The following CDH8 variants were observed in gnomAD, a reference collection of about 807,000 sequenced individuals.
CDH8 encodes cadherin-8.
In CDH8, 17 loss-of-function variants were observed where a neutral mutation model predicts 68.1. That is an observed-to-expected ratio of 0.25 (90% confidence interval 0.17 to 0.37). The LOEUF (loss-of-function observed/expected upper bound fraction) is 0.37, where lower values mean the gene tolerates loss of function less well. Ranked by LOEUF, CDH8 falls within the 10% of genes least tolerant of loss-of-function variation. CDH8 has a pLI of 1.00. For synonymous variants in CDH8, 372 were observed against 365.1 expected, an observed-to-expected ratio of 1.02 and a Z score of -0.21; for missense variants, 763 against 999.3, an observed-to-expected ratio of 0.76 and a Z score of 3.19.
At chr16:61,739,907 A>ATATG (rs1555506710) in intron 8 of CDH8, among the ~76,000 whole-genome samples, 21 of 100,838 alleles carry the variant, frequency 2.1e-4, no homozygotes, top group Admixed American at 5.3e-4. Flanking sequence ...ATATATATAT[A>ATATG]TATATGTATT....
intron 2 of CDH8, among the ~76,000 whole-genome samples, chr16:61,958,828 C>T (rs1965029001): frequency 6.6e-6 from 1 of 152,120 alleles, no homozygotes; most frequent in Non-Finnish European, 1.5e-5. Context: ...AGACAATTTC[C>T]TTCTCTACTC....
chr16:61,764,600 T>C (rs1307536343), intron 8 of CDH8, among the ~76,000 whole-genome samples: 1 of 152,100 alleles, frequency 6.6e-6, no homozygotes, highest in Non-Finnish European at 1.5e-5. Flanking sequence ...TCTGTCATCC[T>C]AGTCTCTCAT....
intron 8 of CDH8, among the ~76,000 whole-genome samples, chr16:61,764,376 T>C (rs1261115183): frequency 6.6e-6 from 1 of 152,132 alleles, no homozygotes; most frequent in Non-Finnish European, 1.5e-5. Flanking sequence ...ATCAGAGTTC[T>C]TCAGTACTTG....
intron 8 of CDH8, among the ~76,000 whole-genome samples, chr16:61,763,451 C>A (rs1490926724): frequency 6.6e-6 from 1 of 152,132 alleles, no homozygotes; most frequent in Non-Finnish European, 1.5e-5. Flanking sequence ...TCCCATTGAT[C>A]CTCTCATGTA....
At chr16:61,783,124 C>T (rs868814110) in intron 8 of CDH8, among the ~76,000 whole-genome samples, 562 of 144,364 alleles carry the variant, frequency 3.9e-3, no homozygotes, top group South Asian at 0.017. Flanking sequence ...AGGCTTCAGA[C>T]GATCAAATTA....
chr16:62,002,915 T>A (rs1965915679), intron 2 of CDH8, among the ~76,000 whole-genome samples: 1 of 152,076 alleles, frequency 6.6e-6, no homozygotes, highest in Admixed American at 6.6e-5. Context: ...TAGCTGGGCG[T>A]GGCGGCAGGC....
At chr16:61,655,322 A>C in intron 11 of CDH8, 148 bp downstream of exon 11, 3 of 743,058 alleles carry the variant, frequency 4.0e-6, no homozygotes, top group Non-Finnish European at 6.5e-6. Flanking sequence ...TTCACTTATT[A>C]GAGATCTCAA....
intron 7 of CDH8, among the ~76,000 whole-genome samples, chr16:61,809,835 G>A (rs1961895558): frequency 6.6e-6 from 1 of 152,044 alleles, no homozygotes; most frequent in South Asian, 2.1e-4. Context: ...CCCCTTAGAG[G>A]GTGCAATGCA....
chr16:61,765,314 T>C (rs1206125404), intron 8 of CDH8, among the ~76,000 whole-genome samples: 1 of 152,056 alleles, frequency 6.6e-6, no homozygotes, highest in Non-Finnish European at 1.5e-5. Context: ...CTTCAAATAC[T>C]TTAGGCTGAC....
At chr16:61,791,452 T>C (rs1311398332) in intron 7 of CDH8, among the ~76,000 whole-genome samples, 2 of 152,106 alleles carry the variant, frequency 1.3e-5, no homozygotes, top group South Asian at 4.1e-4. Context: ...AGATATCATG[T>C]GTACTCTGAC....
intron 3 of CDH8, among the ~76,000 whole-genome samples, chr16:61,881,999 A>T (rs911738615): frequency 2.0e-5 from 3 of 152,198 alleles, no homozygotes; most frequent in Admixed American, 6.5e-5. Flanking sequence ...TTAAAGCACT[A>T]TCGAGTTATC....
intron 10 of CDH8, among the ~76,000 whole-genome samples, chr16:61,695,100 T>C (rs755409475): frequency 1.1e-4 from 17 of 152,094 alleles, no homozygotes; most frequent in Non-Finnish European, 2.4e-4. Flanking sequence ...CTTTTTTTTT[T>C]AGTGGAATAC....
At chr16:61,695,778 T>G (rs1212918841) in intron 10 of CDH8, among the ~76,000 whole-genome samples, 4 of 152,200 alleles carry the variant, frequency 2.6e-5, no homozygotes, top group South Asian at 4.1e-4. Flanking sequence ...TGTCTTAGAA[T>G]GCAAAACCAG....
chr16:61,666,399 T>C (rs1326089805), intron 10 of CDH8, among the ~76,000 whole-genome samples: 1 of 152,018 alleles, frequency 6.6e-6, no homozygotes, highest in African/African-American at 2.4e-5. Context: ...ATTTTTTAGA[T>C]AGAATAAAAC....
At chr16:61,728,797 G>A (rs532036161) in intron 8 of CDH8, among the ~76,000 whole-genome samples, 1 of 151,136 alleles carries the variant, frequency 6.6e-6, no homozygotes, top group East Asian at 2.0e-4. Flanking sequence ...TGCTAAACAT[G>A]CACCTTTGGA....
chr16:61,771,883 G>A (rs1055222661), intron 8 of CDH8, among the ~76,000 whole-genome samples: 1 of 151,870 alleles, frequency 6.6e-6, no homozygotes, highest in African/African-American at 2.4e-5. Flanking sequence ...CTATTTGACT[G>A]CAGTGTACAA....
At chr16:61,654,841 T>C (rs1776293458) in intron 11 of CDH8, among the ~76,000 whole-genome samples, 1 of 152,188 alleles carries the variant, frequency 6.6e-6, no homozygotes, top group African/African-American at 2.4e-5. Flanking sequence ...TCAAGGGTAG[T>C]ATAAGATACG....
intron 2 of CDH8, among the ~76,000 whole-genome samples, chr16:61,936,330 A>T (rs1964626454): frequency 6.6e-6 from 1 of 152,154 alleles, no homozygotes; most frequent in African/African-American, 2.4e-5. Flanking sequence ...ACAATTATAT[A>T]GTGCTGAAAA....
At chr16:61,977,139 A>T (rs1054742863) in intron 2 of CDH8, among the ~76,000 whole-genome samples, 3 of 152,132 alleles carry the variant, frequency 2.0e-5, no homozygotes, top group Non-Finnish European at 4.4e-5. Flanking sequence ...ACTTCTATAG[A>T]ATTCAACTAT....
Sources: allele counts gnomAD v4.1 joint callset (sites outside exome capture counted in the v4.1 genomes callset), GRCh38; gene constraint gnomAD v4.1.1; transcripts MANE v1.5; gene names NCBI Gene and HGNC (gene_info 2026-07-23, HGNC 2026-07-21).